DLEC1: variants seen among roughly 807,000 people sequenced by gnomAD.
The protein encoded by DLEC1 is deleted in lung and esophageal cancer protein 1.
Under a neutral mutation model 198.1 loss-of-function variants are expected in DLEC1, and 146 were observed. That is an observed-to-expected ratio of 0.74 (90% CI 0.64 to 0.85). The LOEUF is 0.85. Ranked by LOEUF, DLEC1 falls within the 40% of genes least tolerant of loss-of-function variation. DLEC1 has a pLI of 0.00. For missense variants in DLEC1, 2,233 were observed against 2,220.0 expected (o/e 1.01, Z -0.12); for synonymous variants, 897 against 866.8 (o/e 1.03, Z -0.61).
At chr3:38,056,244 T>C (rs559074408) in intron 2 of DLEC1, among the ~76,000 whole-genome samples, 5 of 147,822 alleles carry the variant, frequency 3.4e-5, no homozygotes, top group Admixed American at 6.8e-5. Flanking sequence ...GCCTGGGTGA[T>C]AGAATGAGAC....
chr3:38,050,960 G>A (rs1429417207), intron 2 of DLEC1, among the ~76,000 whole-genome samples: 1 of 150,512 alleles, frequency 6.6e-6, no homozygotes, highest in African/African-American at 2.4e-5. Flanking sequence ...TTTGCTGGAG[G>A]GCATTGGCCC....
intron 2 of DLEC1, among the ~76,000 whole-genome samples, chr3:38,054,057 GGAAGGCC>G (rs1559398330): frequency 1.4e-4 from 21 of 152,066 alleles, no homozygotes; most frequent in African/African-American, 4.8e-4. Flanking sequence ...CAAACACTGC[GGAAGGCC>G]GCAGGGTCCT....
intron 10 of DLEC1, among the ~76,000 whole-genome samples, chr3:38,091,435 G>A (rs1698741209): frequency 6.6e-6 from 1 of 152,180 alleles, no homozygotes; most frequent in Non-Finnish European, 1.5e-5. Flanking sequence ...CTGCACTCCA[G>A]CCTGGGTGAC....
chr3:38,064,748 G>A (rs1375788862), intron 6 of DLEC1, among the ~76,000 whole-genome samples: 16 of 150,372 alleles, frequency 1.1e-4, no homozygotes, highest in South Asian at 2.1e-4. Flanking sequence ...ACGGGGCGGC[G>A]GGGCAGAGGC....
At chr3:38,083,554 C>T (rs1698176758) in intron 6 of DLEC1, among the ~76,000 whole-genome samples, 1 of 152,112 alleles carries the variant, frequency 6.6e-6, no homozygotes, top group South Asian at 2.1e-4. Flanking sequence ...GGAATGTCAT[C>T]AGTTAAGGCA....
At chr3:38,056,116 C>A (rs74345621) in intron 2 of DLEC1, among the ~76,000 whole-genome samples, 1,236 of 110,656 alleles carry the variant, frequency 0.011, 2 homozygotes, top group Middle Eastern at 0.029. Flanking sequence ...CACACACACA[C>A]AAATAGCTGA....
intron 9 of DLEC1, among the ~76,000 whole-genome samples, chr3:38,087,914 T>C (rs1019852391): frequency 6.6e-6 from 1 of 152,182 alleles, no homozygotes; most frequent in African/African-American, 2.4e-5. Flanking sequence ...GGTGTTACTG[T>C]AGGAAAAGGA....
At chr3:38,075,994 G>A (rs1400475888) in intron 6 of DLEC1, among the ~76,000 whole-genome samples, 1 of 152,164 alleles carries the variant, frequency 6.6e-6, no homozygotes, top group Non-Finnish European at 1.5e-5. Context: ...AATCAGAGAG[G>A]CATCCCTGCA....
intron 19 of DLEC1, 52 bp downstream of exon 19, chr3:38,100,477 G>C (rs762404369): frequency 1.3e-6 from 2 of 1,531,690 alleles, no homozygotes; most frequent in East Asian, 4.6e-5. Context: ...TATTCGTGAT[G>C]TATTTATCTA....
Position 38,112,088 on chromosome 3 carries a change from C to A in DLEC1, c.3515-122C>A. ...GCTCCCAGGAGGAGGGCACATGTAG[C>A]CTGACCAAGGAGAGGCTGGAGGGTG... On this transcript the variant is annotated intron_variant, in intron 24 of 36. Transcript: ENST00000308059. The surrounding 1 kb of genome is among the most constrained non-coding windows in gnomAD (Gnocchi z 4.8). 2 of 1,487,928 alleles carry A rather than the reference C, an allele frequency of 1.3e-6. No homozygotes were observed. Among genetic ancestry groups the A allele is most frequent in the Non-Finnish European group, 1.8e-6 (2 of 1,086,418 alleles). The allele number at this position is 1,487,928 out of a possible 1,614,324, so 92.2% of individuals were successfully genotyped here.
At chr3:38,097,039 G>A in intron 15 of DLEC1, 143 bp from the exon 16 acceptor site, 1 of 853,598 alleles carries the variant, frequency 1.2e-6, no homozygotes, top group South Asian at 1.7e-5. Flanking sequence ...GGGTTGGGAG[G>A]CCCATGGCTT....
chr3:38,085,664 T>C (rs1462698866), intron 8 of DLEC1, among the ~76,000 whole-genome samples: 2 of 151,962 alleles, frequency 1.3e-5, no homozygotes, highest in Non-Finnish European at 1.5e-5. Flanking sequence ...TCAGTGGAGG[T>C]TGACTCACAG....
At chr3:38,091,323 G>A (rs377597536) in intron 10 of DLEC1, among the ~76,000 whole-genome samples, 2 of 152,062 alleles carry the variant, frequency 1.3e-5, no homozygotes, top group Non-Finnish European at 2.9e-5. Flanking sequence ...AAACTAGCCG[G>A]GTGTGGTGGC....
Position 38,112,412 on chromosome 3 carries a change from C to A in DLEC1, c.3666+51C>A, listed in dbSNP as rs1259668770. On this transcript the variant is annotated intron_variant, in intron 25 of 36. Transcript: ENST00000308059. The surrounding 1 kb of genome is among the most constrained non-coding windows in gnomAD (Gnocchi z 4.8). ...CCTGGGGGGTGGAGAGTCTGCCCAG[C>A]CCTCGCCTTCAGCCTCTCTCCCCTC... 2 of 1,599,434 alleles carry A rather than the reference C, an allele frequency of 1.3e-6. No homozygotes were observed. The highest frequency in any genetic ancestry group is 2.2e-5 in the South Asian group (2 of 90,726).
intron 2 of DLEC1, among the ~76,000 whole-genome samples, chr3:38,056,110 C>CACA (rs1441351470): frequency 8.0e-6 from 1 of 124,894 alleles, no homozygotes; most frequent in Non-Finnish European, 1.6e-5. Context: ...CACACACACA[C>CACA]ACACACAAAT....
At chr3:38,095,470 AG>A in intron 13 of DLEC1, 1 of 302,338 alleles carries the variant, frequency 3.3e-6, no homozygotes, top group Non-Finnish European at 6.3e-6. Flanking sequence ...GGGCCACGGT[AG>A]GCTAGAAGGG....
intron 6 of DLEC1, among the ~76,000 whole-genome samples, chr3:38,064,670 C>T (rs891020664): frequency 6.0e-5 from 9 of 150,314 alleles, no homozygotes; most frequent in Middle Eastern, 3.5e-3. Flanking sequence ...GGGGTGGCTG[C>T]GGGGCAGAGA....
chr3:38,059,366 C>G (rs912085770), intron 2 of DLEC1, among the ~76,000 whole-genome samples: 1 of 152,224 alleles, frequency 6.6e-6, no homozygotes, highest in African/African-American at 2.4e-5. Flanking sequence ...TGGCCACAGT[C>G]AGGAGTGAAG....
intron 21 of DLEC1, among the ~76,000 whole-genome samples, chr3:38,108,896 G>C (rs1350749205): frequency 3.9e-5 from 6 of 152,224 alleles, no homozygotes; most frequent in African/African-American, 1.4e-4. Context: ...GAGGCTAACT[G>C]GTACCTAGGT....
Sources: allele counts gnomAD v4.1 joint callset (sites outside exome capture counted in the v4.1 genomes callset), GRCh38; gene constraint gnomAD v4.1.1; non-coding constraint Gnocchi (gnomAD v3.1); transcripts MANE v1.5; gene names NCBI Gene and HGNC (gene_info 2026-07-23, HGNC 2026-07-21).